The following NUDT4 variants were observed in gnomAD, a reference collection of about 807,000 sequenced individuals.
NUDT4 encodes the protein nudix hydrolase 4, also known as diphosphoinositol polyphosphate phosphohydrolase 2.
In NUDT4, 5 loss-of-function variants were observed where a neutral mutation model predicts 23.1. The ratio of observed to expected loss-of-function variants is 0.22; its 90% CI spans 0.11 to 0.46. The LOEUF (loss-of-function observed/expected upper bound fraction) is 0.46. Ranked by LOEUF, NUDT4 falls within the 20% of genes least tolerant of loss-of-function variation. The pLI is 0.99. For missense variants in NUDT4, 96 were observed against 211.6 expected, an observed-to-expected ratio of 0.45 and a Z score of 3.39; for synonymous variants, 50 against 79.0, an observed-to-expected ratio of 0.63 and a Z score of 1.95.
intron 3 of NUDT4, among the ~76,000 whole-genome samples, chr12:93,397,534 T>G (rs985927321): frequency 2.9e-4 from 33 of 113,264 alleles, no homozygotes; most frequent in African/African-American, 1.1e-3. Flanking sequence ...TTAATTTATG[T>G]TTTTTTTTTT....
At chr12:93,390,614 T>C (rs542271122) in intron 1 of NUDT4, among the ~76,000 whole-genome samples, 1 of 152,058 alleles carries the variant, frequency 6.6e-6, no homozygotes, top group Non-Finnish European at 1.5e-5. Context: ...TAACCCCCCC[T>C]CCCTTTTTTT....
rs1336515808 is a variant in NUDT4, at chr12:93,403,546, C to A, written c.*4167C>A. 1 of 152,240 alleles carries A rather than the reference C, an allele frequency of 6.6e-6. No homozygotes were observed. The highest frequency in any genetic ancestry group is 1.5e-5 in the Non-Finnish European group (1 of 68,078). The allele number at this position is 152,240 out of a possible 1,614,324, so 9.4% of individuals were successfully genotyped here. A position where few individuals can be genotyped will look rare whatever the true frequency, so the allele number is the denominator to read the frequency against. On this transcript the variant is annotated 3_prime_UTR_variant, in exon 5 of 5. Coordinates refer to ENST00000415493, the MANE Select transcript of NUDT4 (RefSeq NM_019094.6). ...ATATTGGCCAGGCTGGTCTCAAACT[C>A]CTGACCTCGTGATCCGCCTGCCTCG...
chr12:93,392,254 C>CCCT lies in NUDT4; in HGVS notation c.100-2355_100-2354insCCT, dbSNP rs1491375744. ...AATATTCCTTTGTTTCCCCCCCCCC[C>CCCT]TTTTTTTTTTCCTTTTTTTGAGACA... On this transcript the variant is annotated intron_variant, in intron 1 of 4. Transcript: ENST00000415493. Among the ~76,000 whole-genome samples, 16 of 104,572 alleles carry CCCT rather than the reference C, an allele frequency of 1.5e-4. 1 individual carries two copies. Among genetic ancestry groups the CCCT allele is most frequent in the East Asian group, 8.6e-4 (3 of 3,480 alleles). 68.6% of individuals were successfully genotyped at this position (104,572 alleles called of 152,430 possible).
intron 1 of NUDT4, among the ~76,000 whole-genome samples, chr12:93,387,233 G>C (rs1340898025): frequency 6.6e-6 from 1 of 152,168 alleles, no homozygotes; most frequent in African/African-American, 2.4e-5. Flanking sequence ...CACCCGGCTA[G>C]ACTGTTTTAT....
intron 1 of NUDT4, among the ~76,000 whole-genome samples, chr12:93,381,581 G>A (rs1396009186): frequency 6.6e-6 from 1 of 152,192 alleles, no homozygotes; most frequent in African/African-American, 2.4e-5. Flanking sequence ...AGTGCGGTCG[G>A]GTATTCTGGG....
At chr12:93,378,842 G>GTTA (rs1487428996) in intron 1 of NUDT4, 1 of 956,972 alleles carries the variant, frequency 1.0e-6, no homozygotes, top group Admixed American at 6.1e-5. Context: ...TTCCTTCCAT[G>GTTA]TTACAGCCGT....
At chr12:93,395,238 G>A (rs1456465315) in intron 2 of NUDT4, among the ~76,000 whole-genome samples, 3 of 151,744 alleles carry the variant, frequency 2.0e-5, no homozygotes, top group Non-Finnish European at 4.4e-5. Context: ...CTTCTGCCTC[G>A]GCCTCCCAAA....
intron 1 of NUDT4, among the ~76,000 whole-genome samples, chr12:93,382,354 C>T (rs1354969978): frequency 1.3e-5 from 2 of 151,876 alleles, no homozygotes; most frequent in Non-Finnish European, 2.9e-5. Context: ...GAGCCAGGGG[C>T]TGTCTTCTAC....
At chr12:93,397,997 T>G (rs1877057316) in intron 3 of NUDT4, among the ~76,000 whole-genome samples, 1 of 152,094 alleles carries the variant, frequency 6.6e-6, no homozygotes, top group African/African-American at 2.4e-5. Flanking sequence ...GGAATGCAGG[T>G]CTATTATTTT....
intron 1 of NUDT4, among the ~76,000 whole-genome samples, chr12:93,389,835 G>A (rs2120911122): frequency 6.6e-6 from 1 of 152,058 alleles, no homozygotes; most frequent in African/African-American, 2.4e-5. Flanking sequence ...AGGAGGCGGA[G>A]GTTGCAGTGA....
chr12:93,395,922 T>C (rs1293190780), intron 3 of NUDT4, among the ~76,000 whole-genome samples: 1 of 152,188 alleles, frequency 6.6e-6, no homozygotes, highest in Non-Finnish European at 1.5e-5. Flanking sequence ...GGTTTCACCA[T>C]GTTGGCCAGG....
At chr12:93,392,885 T>G (rs1379816406) in intron 1 of NUDT4, among the ~76,000 whole-genome samples, 3 of 135,048 alleles carry the variant, frequency 2.2e-5, no homozygotes, top group African/African-American at 8.0e-5. Context: ...CACCATGTTT[T>G]GTCCAGGCTG....
rs952415133 is a variant in NUDT4, at chr12:93,407,858, C to A, written c.*8479C>A. 2.0e-5 allele frequency: 3 copies of A among 152,164 alleles called. No homozygotes were observed. The highest frequency in any genetic ancestry group is 7.2e-5 in the African/African-American group (3 of 41,446). 9.4% of individuals were successfully genotyped at this position (152,164 alleles called of 1,614,324 possible). A position where few individuals can be genotyped will look rare whatever the true frequency, so the allele number is the denominator to read the frequency against. On this transcript the variant is annotated 3_prime_UTR_variant, in exon 5 of 5. Coordinates refer to ENST00000415493, the MANE Select transcript of NUDT4 (RefSeq NM_019094.6). ...TCAACACACTGGCACTCGTTTCATC[C>A]CACTGGTTGAGAAAGCAAGTCTTAG...
chr12:93,382,256 C>T (rs1212716323), intron 1 of NUDT4, among the ~76,000 whole-genome samples: 3 of 141,226 alleles, frequency 2.1e-5, no homozygotes, highest in South Asian at 4.6e-4. Flanking sequence ...AGAGCAAGAC[C>T]CTGCCTGCAA....
At chr12:93,384,689 A>G (rs997742311) in intron 1 of NUDT4, among the ~76,000 whole-genome samples, 7 of 152,190 alleles carry the variant, frequency 4.6e-5, no homozygotes, top group African/African-American at 1.7e-4. Context: ...CAGGCTTGCA[A>G]TAGATCATTC....
chr12:93,403,022 G>C lies in NUDT4; in HGVS notation c.*3643G>C, dbSNP rs1877579571. 1 of 133,424 alleles carries C rather than the reference G, an allele frequency of 7.5e-6. No homozygotes were observed. The allele number at this position is 133,424 out of a possible 1,614,324, so 8.3% of individuals were successfully genotyped here. On this transcript the variant is annotated 3_prime_UTR_variant, in exon 5 of 5. Coordinates refer to ENST00000415493, the MANE Select transcript of NUDT4 (RefSeq NM_019094.6). ...CATTGGAGTATAAGAATTCTCTATA[G>C]GACTCTTTAATTTTTTTTTTTTTTT...
rs766646698 is a variant in NUDT4 at position 93,404,564 on chromosome 12, T to C, written c.*5185T>C. ...TTATGAAACTGGTACCAATTTAATA[T>C]TCAAATGTGATTAAGTCATGGCAAT... On this transcript the variant is annotated 3_prime_UTR_variant, in exon 5 of 5. Transcript: ENST00000415493. The C allele has an allele frequency of 1.3e-5, 2 of 152,226 alleles. No individual in the cohort carries two copies. Among genetic ancestry groups the C allele is most frequent in the Non-Finnish European group, 2.9e-5 (2 of 68,042 alleles). The allele number at this position is 152,226 out of a possible 1,614,324, so 9.4% of individuals were successfully genotyped here. A position where few individuals can be genotyped will look rare whatever the true frequency, so the allele number is the denominator to read the frequency against.
At position 93,404,920 on chromosome 12, in the gene NUDT4, T is replaced by TAAA. The variant is rs66529827; in HGVS notation, c.*5547_*5549dup. 2.8e-5 allele frequency: 4 copies of TAAA among 140,688 alleles called. No homozygotes were observed. Among genetic ancestry groups the TAAA allele is most frequent in the African/African-American group, 7.7e-5 (3 of 39,154 alleles). 8.7% of individuals were successfully genotyped at this position (140,688 alleles called of 1,614,324 possible). ...TTAATGTTTTAGGTTTTTTTTTTTTTAAAAAAAATACTATGCCCATTTGTT... is the reference window on the plus strand; with the variant it reads ...TTAATGTTTTAGGTTTTTTTTTTTTTAAAAAAAAAAATACTATGCCCATTTGTT... On this transcript the variant is annotated 3_prime_UTR_variant, in exon 5 of 5. Coordinates refer to ENST00000415493, the MANE Select transcript of NUDT4 (RefSeq NM_019094.6).
intron 1 of NUDT4, among the ~76,000 whole-genome samples, chr12:93,385,663 T>TG (rs1876005145): frequency 6.7e-6 from 1 of 149,920 alleles, no homozygotes; most frequent in Non-Finnish European, 1.5e-5. Context: ...AGATGGCTGT[T>TG]GTGTGCGTTT....
Sources: gnomAD v4.1 joint callset for allele counts (sites outside exome capture counted in the v4.1 genomes callset) on GRCh38, gnomAD v4.1.1 for gene constraint, MANE v1.5 for transcripts, NCBI Gene and HGNC (gene_info 2026-07-23, HGNC 2026-07-21) for gene names.